Variants in IQCJ observed in about 807,000 individuals in gnomAD.
IQCJ encodes the protein IQ motif containing J, also known as IQ domain-containing protein J.
Under a neutral mutation model 11.0 loss-of-function variants are expected in IQCJ, and 9 were observed. The ratio of observed to expected loss-of-function variants is 0.82; its 90% CI spans 0.49 to 1.43. IQCJ has a LOEUF of 1.43. Among genes scored for constraint, IQCJ ranks in the 40% most tolerant of loss-of-function variants. IQCJ has a pLI of 0.00. For synonymous variants in IQCJ, 55 were observed against 51.3 expected (o/e 1.07, Z -0.31); for missense variants, 146 against 133.2 (o/e 1.10, Z -0.47).
rs141515713 is a variant in IQCJ, at chr3:159,111,108, G to A, written c.9+41667G>A. 5.6e-3 allele frequency among the ~76,000 whole-genome samples: 855 copies of A among 152,286 alleles called. 5 individuals are homozygous for A. The highest frequency in any genetic ancestry group is 0.019 in the African/African-American group (775 of 41,558). On this transcript the variant is annotated intron_variant, in intron 1 of 3. Coordinates refer to ENST00000397832, the MANE Select transcript of IQCJ (RefSeq NM_001042706.3). ...TGCTGCTGATGCTCCCACGTTTTAT[G>A]TAACTGTCACACAGTTTTGATGTAC...
chr3:159,220,730 C>T (rs1020742003), intron 1 of IQCJ, among the ~76,000 whole-genome samples: 4 of 152,148 alleles, frequency 2.6e-5, no homozygotes, highest in Admixed American at 2.0e-4. Context: ...CCCCGATGAA[C>T]AAGAACATGA....
intron 1 of IQCJ, among the ~76,000 whole-genome samples, chr3:159,107,059 T>C (rs1308223743): frequency 6.6e-6 from 1 of 152,190 alleles, no homozygotes; most frequent in African/African-American, 2.4e-5. Flanking sequence ...TTAGAGTTGT[T>C]ATTCATATTC....
In IQCJ at chr3:159,263,672, A is replaced by AT; in HGVS notation, c.*943dup. 2.0e-6 allele frequency: 2 copies of AT among 985,408 alleles called. No homozygotes were observed. The highest frequency in any genetic ancestry group is 2.4e-6 in the Non-Finnish European group (2 of 829,898). 61.0% of individuals were successfully genotyped at this position (985,408 alleles called of 1,614,324 possible). On this transcript the variant is annotated 3_prime_UTR_variant, in exon 4 of 4. Transcript: ENST00000397832. Reference sequence around the variant, plus strand: ...GGTTTCCCAACACTCAACGCAATGTATTCTTTTTGGGATCAGGTAAAAGTT... The same window carrying AT: ...GGTTTCCCAACACTCAACGCAATGTATTTCTTTTTGGGATCAGGTAAAAGTT...
chr3:159,194,852 C>T (rs1175046769), intron 1 of IQCJ, among the ~76,000 whole-genome samples: 1 of 152,160 alleles, frequency 6.6e-6, no homozygotes, highest in Admixed American at 6.5e-5. Flanking sequence ...GTGGCTCACG[C>T]CTGTAATCCC....
chr3:159,134,707 C>A (rs2108167986), intron 1 of IQCJ, among the ~76,000 whole-genome samples: 1 of 152,306 alleles, frequency 6.6e-6, no homozygotes, highest in South Asian at 2.1e-4. Flanking sequence ...TGGTAGCTGT[C>A]CATACAGAAG....
Position 159,142,131 on chromosome 3 carries a change from G to A in IQCJ, c.9+72690G>A, listed in dbSNP as rs539266318. 6.2e-4 allele frequency among the ~76,000 whole-genome samples: 95 copies of A among 152,302 alleles called. No individual in the cohort carries two copies. In the South Asian group the frequency reaches 7.0e-3, roughly 11 times the overall value. On this transcript the variant is annotated intron_variant, in intron 1 of 3. Transcript: ENST00000397832. ...TCTGTTTCCTCCATTTGAACAGCTA[G>A]TTGTCACAGTTCCTTGAAATGGAGC...
chr3:159,254,618 T>A (rs1199476638), intron 3 of IQCJ, among the ~76,000 whole-genome samples: 3 of 152,134 alleles, frequency 2.0e-5, no homozygotes, highest in Non-Finnish European at 2.9e-5. Flanking sequence ...AGGTTGAAAA[T>A]CTCCTCTCTG....
At chr3:159,225,381 G>T (rs540073660) in intron 1 of IQCJ, among the ~76,000 whole-genome samples, 25 of 152,136 alleles carry the variant, frequency 1.6e-4, no homozygotes, top group Non-Finnish European at 2.4e-4. Context: ...GTAAGGATTT[G>T]GGAAAGGAGG....
At chr3:159,120,203 T>C (rs1377535707) in intron 1 of IQCJ, among the ~76,000 whole-genome samples, 1 of 152,078 alleles carries the variant, frequency 6.6e-6, no homozygotes, top group Non-Finnish European at 1.5e-5. Flanking sequence ...TTGGAGAGGG[T>C]CCTAGAGCTA....
intron 1 of IQCJ, among the ~76,000 whole-genome samples, chr3:159,137,690 T>C (rs544548102): frequency 7.9e-5 from 12 of 152,336 alleles, no homozygotes; most frequent in African/African-American, 1.9e-4. Context: ...GATTGCACCA[T>C]GAGCTTATTA....
At chr3:159,154,579 C>T (rs1466663805) in intron 1 of IQCJ, among the ~76,000 whole-genome samples, 1 of 152,080 alleles carries the variant, frequency 6.6e-6, no homozygotes, top group African/African-American at 2.4e-5. Context: ...CTCCTCATGC[C>T]CACCCTTGGC....
chr3:159,115,465 C>T (rs1436957883), intron 1 of IQCJ, among the ~76,000 whole-genome samples: 1 of 151,628 alleles, frequency 6.6e-6, no homozygotes, highest in African/African-American at 2.4e-5. Flanking sequence ...AGCTGTGCAC[C>T]CAGAAAGAGT....
chr3:159,186,080 G>T (rs1723354320), intron 1 of IQCJ, among the ~76,000 whole-genome samples: 2 of 152,162 alleles, frequency 1.3e-5, no homozygotes, highest in Non-Finnish European at 2.9e-5. Flanking sequence ...ATAGGGACTA[G>T]GATGGAAATT....
chr3:159,229,618 CT>C lies in IQCJ; in HGVS notation c.10-16218del, dbSNP rs1005605815. Among the ~76,000 whole-genome samples, 7 of 149,950 alleles carry C rather than the reference CT, an allele frequency of 4.7e-5. No homozygotes were observed. In the East Asian group the frequency reaches 1.2e-3, roughly 26 times the overall value. Reference sequence around the variant, plus strand: ...ACTAAAAGTTTTCTTGCTTGTGGCCCTTTTTTTCATGTTCTTTCTCAACTTC... The same window carrying C: ...ACTAAAAGTTTTCTTGCTTGTGGCCCTTTTTTCATGTTCTTTCTCAACTTC... On this transcript the variant is annotated intron_variant, in intron 1 of 3. Transcript: ENST00000397832.
At chr3:159,146,923 T>C (rs182721370) in intron 1 of IQCJ, among the ~76,000 whole-genome samples, 19 of 152,304 alleles carry the variant, frequency 1.2e-4, no homozygotes, top group African/African-American at 4.3e-4. Flanking sequence ...AAATACACTT[T>C]GAAGAATTAT....
At chr3:159,172,704 A>G (rs1722547304) in intron 1 of IQCJ, among the ~76,000 whole-genome samples, 1 of 141,860 alleles carries the variant, frequency 7.0e-6, no homozygotes, top group Non-Finnish European at 1.5e-5. Context: ...AGTGATGCTA[A>G]TTACCCAGAG....
At chr3:159,074,377 G>T (rs1715779581) in intron 1 of IQCJ, among the ~76,000 whole-genome samples, 1 of 152,056 alleles carries the variant, frequency 6.6e-6, no homozygotes, top group Non-Finnish European at 1.5e-5. Flanking sequence ...GACGTGAGGG[G>T]AAGATAGTAC....
At chr3:159,086,397 C>T (rs565066677) in intron 1 of IQCJ, among the ~76,000 whole-genome samples, 9 of 152,166 alleles carry the variant, frequency 5.9e-5, no homozygotes, top group South Asian at 4.2e-4. Context: ...CTTGGCGATG[C>T]GTGCTCTTTT....
chr3:159,088,380 A>C (rs1290053528), intron 1 of IQCJ, among the ~76,000 whole-genome samples: 6 of 152,278 alleles, frequency 3.9e-5, no homozygotes, highest in South Asian at 2.1e-4. Flanking sequence ...TGGTGCTGAA[A>C]AAAATGTATA....
Sources: allele counts gnomAD v4.1 joint callset (sites outside exome capture counted in the v4.1 genomes callset), GRCh38; gene constraint gnomAD v4.1.1; transcripts MANE v1.5; gene names NCBI Gene and HGNC (gene_info 2026-07-23, HGNC 2026-07-21).